Variants in KLF8 observed in about 807,000 individuals in gnomAD.
KLF8 encodes KLF transcription factor 8, also known as Krueppel-like factor 8.
In KLF8, 10 loss-of-function variants were observed where a neutral mutation model predicts 18.2. The observed-to-expected ratio is 0.55, with a 90% CI of 0.34 to 0.93. The LOEUF is 0.93. Among genes scored for constraint, KLF8 ranks in the 40% least tolerant of loss-of-function variants. The pLI is 0.02. For missense variants in KLF8, 264 were observed against 277.9 expected (o/e 0.95, Z 0.36); for synonymous variants, 109 against 97.3 (o/e 1.12, Z -0.71).
chrX:56,256,436 T>C (rs2066796144), intron 2 of KLF8, among the ~76,000 whole-genome samples: 1 of 111,519 alleles, frequency 9.0e-6, no homozygotes, highest in African/African-American at 3.3e-5. Flanking sequence ...CTCTTGTTTT[T>C]CTATTTTTTT....
At chrX:56,182,084 A>T in the KLF8 span, among the ~76,000 whole-genome samples, 1 of 111,281 alleles carries the variant, frequency 9.0e-6, no homozygotes, top group Non-Finnish European at 1.9e-5. Context: ...TCTCCCTATC[A>T]CTTTCAGGTA....
At chrX:55,920,301 A>G in the KLF8 span, among the ~76,000 whole-genome samples, 2 of 111,685 alleles carry the variant, frequency 1.8e-5, no homozygotes, top group Admixed American at 9.5e-5. Context: ...TCCCTCTGAC[A>G]TGGTCTACCC....
At chrX:56,176,577 T>A in the KLF8 span, among the ~76,000 whole-genome samples, 1 of 110,938 alleles carries the variant, frequency 9.0e-6, no homozygotes, top group African/African-American at 3.3e-5. Context: ...GACAATTATG[T>A]GTTTTGGAGT....
At chrX:55,934,147 C>G in the KLF8 span, among the ~76,000 whole-genome samples, 2 of 111,998 alleles carry the variant, frequency 1.8e-5, no homozygotes, top group African/African-American at 6.5e-5. Flanking sequence ...TGGCTTAGAA[C>G]ATCTACATTT....
At chrX:55,975,307 G>A in the KLF8 span, among the ~76,000 whole-genome samples, 1 of 111,801 alleles carries the variant, frequency 8.9e-6, no homozygotes, top group South Asian at 3.8e-4. Context: ...GGATTTAAGG[G>A]TAATGCAAAT....
the KLF8 span, among the ~76,000 whole-genome samples, chrX:56,117,173 G>A: frequency 8.9e-6 from 1 of 111,782 alleles, no homozygotes; most frequent in East Asian, 2.8e-4. Flanking sequence ...TACCTTGTGA[G>A]AACCAGAGAC....
intron 1 of KLF8, among the ~76,000 whole-genome samples, chrX:56,241,383 T>C (rs1205164107): frequency 9.0e-6 from 1 of 111,466 alleles, no homozygotes; most frequent in African/African-American, 3.3e-5. Context: ...GTCAGGCTGG[T>C]CTCAAACTCC....
At chrX:56,089,761 T>G in the KLF8 span, among the ~76,000 whole-genome samples, 1 of 111,993 alleles carries the variant, frequency 8.9e-6, no homozygotes, top group African/African-American at 3.2e-5. Context: ...AGGCTCAGTT[T>G]GGAAAAGCTT....
the KLF8 span, among the ~76,000 whole-genome samples, chrX:55,938,146 G>A: frequency 1.8e-5 from 2 of 111,970 alleles, no homozygotes; most frequent in African/African-American, 6.5e-5. Flanking sequence ...TACCCACAAA[G>A]TGAAGCCCAT....
the KLF8 span, among the ~76,000 whole-genome samples, chrX:55,986,229 G>A: frequency 1.5e-4 from 17 of 111,677 alleles, no homozygotes; most frequent in Non-Finnish European, 3.2e-4. Context: ...TTCAAGGTGA[G>A]TGCTTCCAGC....
chrX:56,152,115 T>C, the KLF8 span, among the ~76,000 whole-genome samples: 12 of 112,215 alleles, frequency 1.1e-4, no homozygotes, highest in African/African-American at 3.2e-4. Flanking sequence ...TTTTTATAAA[T>C]GTTATACAGA....
At chrX:56,197,437 C>T in the KLF8 span, among the ~76,000 whole-genome samples, 8 of 111,628 alleles carry the variant, frequency 7.2e-5, no homozygotes, top group Non-Finnish European at 1.3e-4. Flanking sequence ...ATACAAACTA[C>T]CATCAGAGAA....
At chrX:56,039,546 C>T in the KLF8 span, among the ~76,000 whole-genome samples, 1 of 111,002 alleles carries the variant, frequency 9.0e-6, no homozygotes, top group Non-Finnish European at 1.9e-5. Context: ...TTCTGAGTAT[C>T]TATTCTATTC....
chrX:56,077,176 T>C, the KLF8 span, among the ~76,000 whole-genome samples: 2 of 112,281 alleles, frequency 1.8e-5, no homozygotes, highest in Non-Finnish European at 3.8e-5. Context: ...ATGGCTTTTG[T>C]TGCCATTGCT....
the KLF8 span, among the ~76,000 whole-genome samples, chrX:56,006,597 T>G: frequency 8.9e-6 from 1 of 112,528 alleles, no homozygotes; most frequent in Non-Finnish European, 1.9e-5. Context: ...TTATTGGTGT[T>G]GAGAATTTTT....
At chrX:55,945,639 G>T in the KLF8 span, among the ~76,000 whole-genome samples, 22 of 111,189 alleles carry the variant, frequency 2.0e-4, no homozygotes, top group Non-Finnish European at 3.2e-4. Context: ...TTCTGGCCAG[G>T]ACAATTAGGC....
the KLF8 span, among the ~76,000 whole-genome samples, chrX:56,206,072 A>C: frequency 9.0e-6 from 1 of 111,038 alleles, no homozygotes; most frequent in East Asian, 2.8e-4. Flanking sequence ...AAACCATCAG[A>C]TCTCATGAGA....
the KLF8 span, among the ~76,000 whole-genome samples, chrX:56,033,371 G>A: frequency 9.0e-6 from 1 of 111,440 alleles, no homozygotes; most frequent in Non-Finnish European, 1.9e-5. Flanking sequence ...TTTCAGGGCT[G>A]TTACTCCATT....
chrX:56,252,214 A>G (rs2066725172), intron 2 of KLF8, among the ~76,000 whole-genome samples: 1 of 111,296 alleles, frequency 9.0e-6, no homozygotes, highest in African/African-American at 3.3e-5. Flanking sequence ...GGGTTTCACC[A>G]TGTTGGCCAG....
Sources: gnomAD v4.1 joint callset for allele counts (sites outside exome capture counted in the v4.1 genomes callset) on GRCh38, gnomAD v4.1.1 for gene constraint, MANE v1.5 for transcripts, NCBI Gene and HGNC (gene_info 2026-07-23, HGNC 2026-07-21) for gene names.